The following DIS3 variants were observed in gnomAD, a reference collection of about 807,000 sequenced individuals.
DIS3 encodes the protein exosome complex exonuclease RRP44.
Under a neutral mutation model 113.0 loss-of-function variants are expected in DIS3, and 103 were observed. The observed-to-expected ratio is 0.91, with a 90% CI of 0.78 to 1.07. The LOEUF is 1.07. DIS3 is among the 50% of genes least tolerant of loss of function. The pLI is 0.00. For missense variants in DIS3, 1,121 were observed against 1,167.1 expected (o/e 0.96, Z 0.58); for synonymous variants, 402 against 394.3 (o/e 1.02, Z -0.23).
Position 72,780,325 on chromosome 13 carries a change from C to CAA in DIS3, c.386+519_386+520dup, listed in dbSNP as rs397851597. ...TGGGTGACAGAGTGAGACTCCATCT[C>CAA]AAAAAAAAAAAAAAAAAAAAAAAAA... On this transcript the variant is annotated intron_variant, in intron 2 of 20. Transcript: ENST00000377767. 7.7e-3 allele frequency among the ~76,000 whole-genome samples: 425 copies of CAA among 55,328 alleles called. 12 individuals carry two copies. Among genetic ancestry groups the CAA allele is most frequent in the East Asian group, 0.013 (21 of 1,612 alleles). 36.3% of individuals were successfully genotyped at this position (55,328 alleles called of 152,430 possible).
chr13:72,775,140 T>TA (rs998431058), intron 6 of DIS3, 71 bp downstream of exon 6: 68 of 1,430,200 alleles, frequency 4.8e-5, no homozygotes, highest in Non-Finnish European at 5.7e-5. Flanking sequence ...CAATGAAACT[T>TA]GTTTTCCAAA....
Position 72,772,752 on chromosome 13 carries a change from G to T in DIS3, c.1327C>A (p.Pro443Thr). 1 of 1,613,514 alleles carries T rather than the reference G, an allele frequency of 6.2e-7. No individual in the cohort carries two copies. ...LLLEHDVPHQPFSQAVLSFLP... is the reference protein window; with the variant it reads ...LLLEHDVPHQTFSQAVLSFLP... ...AAACTAAGAACAGCCTGTGAAAAAG[G>T]CTGATGGGGAACATCGTGTTCAAGT... Residue 443 changes from proline (P) to threonine (T), a missense_variant, in exon 9 of 21, where the codon CCT becomes ACT. Pro to Thr is a conservative substitution (Grantham distance 38). Transcript: ENST00000377767.
Position 72,753,431 on chromosome 13 carries a change from C to CA in DIS3, c.*6363dup, listed in dbSNP as rs2033335317. 6.8e-6 allele frequency: 2 copies of CA among 294,534 alleles called. No homozygotes were observed. Among genetic ancestry groups the CA allele is most frequent in the South Asian group, 7.2e-5 (1 of 13,844 alleles). The allele number at this position is 294,534 out of a possible 1,614,324, so 18.2% of individuals were successfully genotyped here. A position where few individuals can be genotyped will look rare whatever the true frequency, so the allele number is the denominator to read the frequency against. On this transcript the variant is annotated 3_prime_UTR_variant, in exon 21 of 21. Transcript: ENST00000377767. ...ACAAAATAACAGGAAAGCATTGTGTCAGTAGGCTGTTCACTGATTCTTAAG... is the reference window on the plus strand; with the variant it reads ...ACAAAATAACAGGAAAGCATTGTGTCAAGTAGGCTGTTCACTGATTCTTAAG...
chr13:72,758,471 T>C lies in DIS3; in HGVS notation c.*1324A>G, dbSNP rs1239415832. On this transcript the variant is annotated 3_prime_UTR_variant, in exon 21 of 21. Transcript: ENST00000377767. ...TTACACACTATCAACGGCAGAGTTG[T>C]GTACTATAGTTGCAATACAGACCAT... is the stretch of plus-strand genomic sequence containing the variant. The C allele has an allele frequency of 9.7e-6, 2 of 205,294 alleles. No homozygotes were observed. Among genetic ancestry groups the C allele is most frequent in the Non-Finnish European group, 2.0e-5 (2 of 100,358 alleles). The allele number at this position is 205,294 out of a possible 1,614,324, so 12.7% of individuals were successfully genotyped here.
chr13:72,761,302 T>C, intron 19 of DIS3, 61 bp downstream of exon 19: 1 of 1,555,562 alleles, frequency 6.4e-7, no homozygotes, highest in Non-Finnish European at 8.6e-7. Flanking sequence ...AGGTACCATT[T>C]ATGAACTCTC....
intron 6 of DIS3, 31 bp downstream of exon 6, chr13:72,775,180 A>T: frequency 6.3e-7 from 1 of 1,577,714 alleles, no homozygotes; most frequent in Non-Finnish European, 8.6e-7. Flanking sequence ...AAAGCTACAC[A>T]GACAAAAAAA....
At position 72,768,852 on chromosome 13, in the gene DIS3, TATC is replaced by T; in HGVS notation, c.1813_1815del (p.Asp605del). On this transcript the variant is annotated inframe_deletion, in exon 14 of 21. Coordinates refer to ENST00000377767, the MANE Select transcript of DIS3 (RefSeq NM_014953.5). Reference sequence around the variant, plus strand: ...TTCAGTCCACGGAGACTAGTGGTAATATCATCATTCATGTTTGCTGAATCAATT... The same window carrying T: ...TTCAGTCCACGGAGACTAGTGGTAATATCATTCATGTTTGCTGAATCAATT... 6 of 1,608,230 alleles carry T rather than the reference TATC, an allele frequency of 3.7e-6. No homozygotes were observed. Among genetic ancestry groups the T allele is most frequent in the Non-Finnish European group, 5.1e-6 (6 of 1,175,086 alleles).
chr13:72,756,497 T>C lies in DIS3; in HGVS notation c.*3298A>G, dbSNP rs2033477926. ...GTACAAAAGTCAAGAAATAACACAA[T>C]AGTGACTATAACCTGTATTCAAATC... is the stretch of plus-strand genomic sequence containing the variant. On this transcript the variant is annotated 3_prime_UTR_variant, in exon 21 of 21. Transcript: ENST00000377767. 2 of 152,190 alleles carry C rather than the reference T, an allele frequency of 1.3e-5. No individual in the cohort carries two copies. Among genetic ancestry groups the C allele is most frequent in the African/African-American group, 4.8e-5 (2 of 41,438 alleles). 9.4% of individuals were successfully genotyped at this position (152,190 alleles called of 1,614,324 possible). A position where few individuals can be genotyped will look rare whatever the true frequency, so the allele number is the denominator to read the frequency against.
In DIS3 at chr13:72,753,405, C is replaced by T. The variant is rs889560723; in HGVS notation, c.*6390G>A. On this transcript the variant is annotated 3_prime_UTR_variant, in exon 21 of 21. Transcript: ENST00000377767. ...CTCATTTTTGTCTACTAGGTACGAT[C>T]ACAAAATAACAGGAAAGCATTGTGT... The T allele has an allele frequency of 1.3e-5, 3 of 236,970 alleles. No homozygotes were observed. Among genetic ancestry groups the T allele is most frequent in the African/African-American group, 6.8e-5 (3 of 44,156 alleles). 14.7% of individuals were successfully genotyped at this position (236,970 alleles called of 1,614,324 possible).
rs114754562 is a variant in DIS3 at position 72,754,894 on chromosome 13, G to T, written c.*4901C>A. On this transcript the variant is annotated 3_prime_UTR_variant, in exon 21 of 21. Transcript: ENST00000377767. ...CCACACCCAGCTTTTTAAAATTTTT[G>T]GTAGAGACAGGGTCTCACTATGTTG... 0.02 allele frequency: 6,603 copies of T among 332,546 alleles called. 258 individuals carry two copies. The highest frequency in any genetic ancestry group is 0.071 in the African/African-American group (3,307 of 46,408). The allele number at this position is 332,546 out of a possible 1,614,324, so 20.6% of individuals were successfully genotyped here. A position where few individuals can be genotyped will look rare whatever the true frequency, so the allele number is the denominator to read the frequency against.
At position 72,781,651 on chromosome 13, in the gene DIS3, G is replaced by T; in HGVS notation, c.182C>A (p.Pro61Gln). ...QPQDPASSVC[P>Q]QPHYLLPDTN... The stretch of plus-strand genomic sequence containing the variant: ...GTCGGGCAGCAAGTAGTGCGGTTGC[G>T]GGCAGACGCTGCTCGCCGGGTCCTG... Residue 61 changes from proline (P) to glutamine (Q), a missense_variant, in exon 1 of 21, where the codon CCG (proline) becomes CAG (glutamine). Physicochemically the swap from Pro to Gln is moderately conservative, Grantham distance 76 (BLOSUM62 -1). This residue lies in a region of DIS3 where 254 missense variants were observed against 232.2 expected (regional missense o/e 1.09). Coordinates refer to ENST00000377767, the MANE Select transcript of DIS3 (RefSeq NM_014953.5). 6.5e-7 allele frequency: 1 copy of T among 1,545,092 alleles called. No homozygotes were observed. Among genetic ancestry groups the T allele is most frequent in the East Asian group, 2.4e-5 (1 of 40,988 alleles).
At position 72,766,049 on chromosome 13, in the gene DIS3, A is replaced by G; in HGVS notation, c.1893T>C (p.Thr631=). 5 of 1,607,480 alleles carry G rather than the reference A, an allele frequency of 3.1e-6. No individual in the cohort carries two copies. Among genetic ancestry groups the G allele is most frequent in the Non-Finnish European group, 4.2e-6 (5 of 1,176,754 alleles). The change falls in exon 15 of 21, where the codon ACT becomes ACC. Residue 631 remains threonine, a synonymous_variant. Transcript: ENST00000377767. ...GGAATCGAACTTCAGGAGAGGATAG[A>G]GTCAAAGCCCTACATAAAAATTAAA... ...KKRRIEKGAL[T]LSSPEVRFHM...
chr13:72,781,675 TG>T lies in DIS3; in HGVS notation c.157del (p.Gln53ArgfsTer36). 2 of 1,551,820 alleles carry T rather than the reference TG, an allele frequency of 1.3e-6. No individual in the cohort carries two copies. The highest frequency in any genetic ancestry group is 8.7e-7 in the Non-Finnish European group (1 of 1,148,302). On this transcript the variant is annotated frameshift_variant, in exon 1 of 21. Coordinates refer to ENST00000377767, the MANE Select transcript of DIS3 (RefSeq NM_014953.5). LOFTEE classifies it high-confidence loss of function. ...CGGGCAGACGCTGCTCGCCGGGTCC[TG>T]GGGCTGCGGCTCCAGGGCCGGCCCC... Reference protein sequence around the residue: ...HEGPALEPQPQDPASSVCPQP... With the variant: ...HEGPALEPQPXDPASSVCPQP...
chr13:72,772,995 C>G (rs2033923296), intron 8 of DIS3, among the ~76,000 whole-genome samples, 156 bp from the exon 9 acceptor site: 1 of 152,162 alleles, frequency 6.6e-6, no homozygotes, highest in African/African-American at 2.4e-5. Flanking sequence ...GACAAGACTT[C>G]TCAACTGATT....
At chr13:72,775,488 T>A (rs2033992023) in intron 5 of DIS3, 113 bp from the exon 6 acceptor site, 2 of 1,193,744 alleles carry the variant, frequency 1.7e-6, no homozygotes, top group African/African-American at 3.2e-5. Flanking sequence ...ATGGAATCTC[T>A]ATTTCTCCTT....
In DIS3 at chr13:72,756,902, T is replaced by C. The variant is rs2033490366; in HGVS notation, c.*2893A>G. The C allele has an allele frequency of 6.6e-6, 1 of 152,190 alleles. No homozygotes were observed. Among genetic ancestry groups the C allele is most frequent in the African/African-American group, 2.4e-5 (1 of 41,440 alleles). The allele number at this position is 152,190 out of a possible 1,614,324, so 9.4% of individuals were successfully genotyped here. ...AGTTTGGGGTATTTCTTCGTAGCAG[T>C]GTGAGAACAGACCATAAACCTCCAT... On this transcript the variant is annotated 3_prime_UTR_variant, in exon 21 of 21. Transcript: ENST00000377767.
chr13:72,778,125 C>T, intron 3 of DIS3, 62 bp downstream of exon 3: 3 of 1,386,756 alleles, frequency 2.2e-6, no homozygotes, highest in East Asian at 2.3e-5. Flanking sequence ...GACTATAGGC[C>T]TAATGATTAT....
Position 72,759,717 on chromosome 13 carries a change from A to T in DIS3, c.*78T>A, listed in dbSNP as rs1194051390. 8.1e-6 allele frequency: 9 copies of T among 1,114,370 alleles called. No individual in the cohort carries two copies. Among genetic ancestry groups the T allele is most frequent in the Non-Finnish European group, 1.2e-5 (9 of 760,734 alleles). The allele number at this position is 1,114,370 out of a possible 1,614,324, so 69.0% of individuals were successfully genotyped here. On this transcript the variant is annotated 3_prime_UTR_variant, in exon 21 of 21. Transcript: ENST00000377767. ...TTAAAAGTAACAAACTGTATCACAC[A>T]CTTAGGCTTAGAAGTGTTCTTTCAA...
intron 15 of DIS3, 104 bp from the exon 16 acceptor site, chr13:72,763,711 C>T: frequency 1.7e-6 from 2 of 1,144,590 alleles, no homozygotes; most frequent in South Asian, 1.7e-5. Flanking sequence ...ATAATAAGAG[C>T]ATTTCCTATG....
Sources: allele counts gnomAD v4.1 joint callset (sites outside exome capture counted in the v4.1 genomes callset), GRCh38; gene constraint gnomAD v4.1.1; regional missense constraint gnomAD v4.1.1; transcripts MANE v1.5; gene names NCBI Gene and HGNC (gene_info 2026-07-23, HGNC 2026-07-21).